Variants in ST7L observed in about 807,000 individuals in gnomAD.
ST7L encodes the protein suppressor of tumorigenicity 7 protein-like.
ST7L carries 57 observed loss-of-function variants against 72.5 expected under a neutral mutation model. The observed-to-expected ratio is 0.79, with a 90% CI of 0.64 to 0.98. The LOEUF (loss-of-function observed/expected upper bound fraction) is 0.98. Among genes scored for constraint, ST7L ranks in the 50% least tolerant of loss-of-function variants. ST7L has a pLI of 0.00. For missense variants in ST7L, 576 were observed against 672.2 expected (o/e 0.86, Z 1.58); for synonymous variants, 221 against 240.9 (o/e 0.92, Z 0.77).
At chr1:112,541,805 T>C (rs1302922642) in intron 14 of ST7L, 146 bp downstream of exon 14, 11 of 1,376,264 alleles carry the variant, frequency 8.0e-6, no homozygotes, top group African/African-American at 3.0e-5. Context: ...GTTTGATGTA[T>C]TTATGGCAGC....
rs1226035387 is a variant in ST7L at position 112,600,956 on chromosome 1, T to C, written c.452-108A>G. The C allele has an allele frequency of 6.8e-6, 6 of 885,816 alleles. No homozygotes were observed. The Admixed American group carries it at 8.0e-5, about 12-fold the overall frequency. The allele number at this position is 885,816 out of a possible 1,614,324, so 54.9% of individuals were successfully genotyped here. A position where few individuals can be genotyped will look rare whatever the true frequency, so the allele number is the denominator to read the frequency against. On this transcript the variant is annotated intron_variant, in intron 3 of 14. Transcript: ENST00000358039. ...GGCTAATCACAGTGCTAGCCACAGA[T>C]GGTACAAAGATGAATAAAGCATGCT...
chr1:112,571,583 G>C (rs1437920639), intron 11 of ST7L, among the ~76,000 whole-genome samples: 1 of 151,982 alleles, frequency 6.6e-6, no homozygotes, highest in Non-Finnish European at 1.5e-5. Flanking sequence ...TGTGCCACCA[G>C]GCCTGGCTAA....
Position 112,525,073 on chromosome 1 carries a change from CTG to C in ST7L, c.*938_*939del, listed in dbSNP as rs1476856423. On this transcript the variant is annotated 3_prime_UTR_variant, in exon 15 of 15. Coordinates refer to ENST00000358039, the MANE Select transcript of ST7L (RefSeq NM_017744.5). ...TACCATCAAAGCAGAGTGGCTGAGA[CTG>C]TATAAGTTCGCAAGGCTGGTTCATG... is the stretch of plus-strand genomic sequence containing the variant. 3 of 152,178 alleles carry C rather than the reference CTG, an allele frequency of 2.0e-5. No individual in the cohort carries two copies. Among genetic ancestry groups the C allele is most frequent in the South Asian group, 2.1e-4 (1 of 4,822 alleles). 9.4% of individuals were successfully genotyped at this position (152,178 alleles called of 1,614,324 possible).
At chr1:112,520,250 T>C (rs1171102064), downstream of ST7L, 2 of 1,596,236 alleles carry the variant, frequency 1.3e-6, no homozygotes, top group Non-Finnish European at 1.7e-6. Context: ...GAGATAACTT[T>C]GTTCTCACTC....
chr1:112,604,043 C>G (rs1037524356), intron 3 of ST7L, among the ~76,000 whole-genome samples: 4 of 152,168 alleles, frequency 2.6e-5, no homozygotes, highest in South Asian at 4.1e-4. Context: ...CACAGTGGCT[C>G]ACGCCTGTAA....
At position 112,604,778 on chromosome 1, in the gene ST7L, A is replaced by T. The variant is rs1284193442; in HGVS notation, c.452-3930T>A. Among the ~76,000 whole-genome samples the T allele has an allele frequency of 6.1e-4, 34 of 55,576 alleles. 1 individual carries two copies. In the East Asian group the frequency reaches 0.03, roughly 49 times the overall value. The allele number at this position is 55,576 out of a possible 152,430, so 36.5% of individuals were successfully genotyped here. On this transcript the variant is annotated intron_variant, in intron 3 of 14. Transcript: ENST00000358039. ...CATAGTGAGGCCTTGTCTCTCTTAA[A>T]AAAAAAAAAAAAAAAAAAAAAAAAA...
upstream of ST7L, chr1:112,619,611 A>G: frequency 1.8e-6 from 1 of 559,716 alleles, no homozygotes; most frequent in South Asian, 2.2e-5. Flanking sequence ...AATGAGTGTA[A>G]CTCATTGGGA....
intron 6 of ST7L, 109 bp from the exon 7 acceptor site, chr1:112,584,235 T>C (rs1472279134): frequency 2.7e-6 from 3 of 1,115,470 alleles, no homozygotes; most frequent in Admixed American, 3.4e-5. Context: ...ACTTTTTCCA[T>C]CTTTAGAAAA....
chr1:112,578,484 A>G (rs963039511), intron 9 of ST7L, 67 bp from the exon 10 acceptor site: 32 of 1,410,258 alleles, frequency 2.3e-5, no homozygotes, highest in Middle Eastern at 2.2e-4. Context: ...TTTTAATAAG[A>G]ATAATTCACG....
intron 2 of ST7L, among the ~76,000 whole-genome samples, chr1:112,611,388 G>T (rs939606125): frequency 6.6e-6 from 1 of 152,172 alleles, no homozygotes; most frequent in South Asian, 2.1e-4. Context: ...GCATCAGCAT[G>T]CCCATGTTTT....
At position 112,574,583 on chromosome 1, in the gene ST7L, C is replaced by T. The variant is rs533923605; in HGVS notation, c.1245+2403G>A. On this transcript the variant is annotated intron_variant, in intron 11 of 14. Transcript: ENST00000358039. ...CTGAGGCAGGAGAATGGCATAAACC[C>T]GGGAGGCAGAGCTTGCAGTGAGCCT... is the stretch of plus-strand genomic sequence containing the variant. Among the ~76,000 whole-genome samples the T allele has an allele frequency of 2.7e-3, 406 of 150,786 alleles. 2 individuals are homozygous for T. The highest frequency in any genetic ancestry group is 4.1e-3 in the Non-Finnish European group (275 of 67,688).
intron 14 of ST7L, among the ~76,000 whole-genome samples, chr1:112,538,564 T>A (rs116195608): frequency 0.012 from 1,771 of 152,270 alleles, 36 homozygotes; most frequent in African/African-American, 0.04. Context: ...GGGCTGGTCA[T>A]GAACTCCTGA....
rs1432024991 is a variant in ST7L, at chr1:112,616,829, A to G, written c.272T>C (p.Ile91Thr). Reference protein sequence around the residue: ...YVALTGTSSLISGLIFIFEWW... With the variant: ...YVALTGTSSLTSGLIFIFEWW... ...ACTACTTACAAATATTAGTCCTGAT[A>G]TCAATGAAGAGGTCCCTGTAAGTGC... is the stretch of plus-strand genomic sequence containing the variant. The change falls in exon 2 of 15, where the codon ATA becomes ACA. Residue 91 changes from isoleucine (I) to threonine (T), a missense_variant. Ile to Thr is a moderately conservative substitution (Grantham distance 89). Coordinates refer to ENST00000358039, the MANE Select transcript of ST7L (RefSeq NM_017744.5). 3.7e-6 allele frequency: 6 copies of G among 1,602,798 alleles called. No homozygotes were observed. Among genetic ancestry groups the G allele is most frequent in the Non-Finnish European group, 4.3e-6 (5 of 1,174,466 alleles).
chr1:112,541,688 A>G (rs1656125662), intron 14 of ST7L: 2 of 785,300 alleles, frequency 2.5e-6, no homozygotes, highest in Non-Finnish European at 3.4e-6. Context: ...TTTATCACCA[A>G]AAGTGATCTA....
At chr1:112,593,801 A>T (rs567477811) in intron 5 of ST7L, among the ~76,000 whole-genome samples, 3 of 152,344 alleles carry the variant, frequency 2.0e-5, no homozygotes, top group Admixed American at 6.5e-5. Flanking sequence ...TAATTTAGTT[A>T]TTACTGATGA....
chr1:112,556,833 T>C (rs1659189556), intron 11 of ST7L, among the ~76,000 whole-genome samples: 2 of 151,528 alleles, frequency 1.3e-5, no homozygotes, highest in African/African-American at 4.8e-5. Context: ...CTGGGCCTGG[T>C]GGTGCATGCC....
At chr1:112,618,026 G>T (rs1262538183) in intron 1 of ST7L, 1 of 1,303,728 alleles carries the variant, frequency 7.7e-7, no homozygotes, top group Admixed American at 2.3e-5. Context: ...TGTCATCTCT[G>T]AACAGGAAAG....
chr1:112,597,909 A>G (rs1265789577), intron 5 of ST7L, 62 bp downstream of exon 5: 13 of 1,271,160 alleles, frequency 1.0e-5, no homozygotes, highest in South Asian at 1.5e-5. Flanking sequence ...AAATAACTCT[A>G]AAGAACTTTT....
chr1:112,522,813 G>A (rs1040851701), downstream of ST7L: 1 of 152,326 alleles, frequency 6.6e-6, no homozygotes, highest in South Asian at 2.1e-4. Context: ...GCCTGAGTGA[G>A]TCAGGCCAAG....
Sources: gnomAD v4.1 joint callset for allele counts (sites outside exome capture counted in the v4.1 genomes callset) on GRCh38, gnomAD v4.1.1 for gene constraint, MANE v1.5 for transcripts, NCBI Gene and HGNC (gene_info 2026-07-23, HGNC 2026-07-21) for gene names.